Variants in ZSWIM6 observed in about 807,000 individuals in gnomAD.
ZSWIM6 encodes the protein zinc finger SWIM domain-containing protein 6.
Under a neutral mutation model 113.2 loss-of-function variants are expected in ZSWIM6, and 9 were observed. The observed-to-expected ratio is 0.08, with a 90% confidence interval of 0.05 to 0.14. ZSWIM6 has a LOEUF of 0.14. ZSWIM6 is among the 10% of genes least tolerant of loss of function. The probability of loss-of-function intolerance (pLI) is 1.00; values close to 1 mark genes in which losing one functional copy is unlikely to be tolerated. For missense variants in ZSWIM6, 1,162 were observed against 1,552.2 expected, an observed-to-expected ratio of 0.75 and a Z score of 4.22; for synonymous variants, 611 against 606.5, an observed-to-expected ratio of 1.01 and a Z score of -0.11.
intron 1 of ZSWIM6, among the ~76,000 whole-genome samples, chr5:61,463,784 G>A (rs760796719): frequency 1.3e-5 from 2 of 152,130 alleles, no homozygotes; most frequent in African/African-American, 2.4e-5. Flanking sequence ...TTAGTTATTT[G>A]TGACTTTTAC....
At chr5:61,521,567 CT>C in intron 5 of ZSWIM6, 125 bp downstream of exon 5, 6 of 665,906 alleles carry the variant, frequency 9.0e-6, no homozygotes, top group Non-Finnish European at 1.3e-5. Context: ...AACTCCAGTA[CT>C]TAATATGTGT....
chr5:61,525,447 C>G (rs781103987), intron 5 of ZSWIM6, among the ~76,000 whole-genome samples: 37 of 152,196 alleles, frequency 2.4e-4, no homozygotes, highest in Non-Finnish European at 4.6e-4. Flanking sequence ...CACAGCACCT[C>G]AGAAGTGGGG....
At chr5:61,400,042 T>G (rs1453049060) in intron 1 of ZSWIM6, among the ~76,000 whole-genome samples, 1 of 152,206 alleles carries the variant, frequency 6.6e-6, no homozygotes, top group Admixed American at 6.5e-5. Flanking sequence ...GGACGTGATC[T>G]TTGAAGCAGT....
chr5:61,332,791 TGCCGCCGCCGCCGCC>T lies in ZSWIM6; in HGVS notation c.537_551del (p.Ala180_Ala184del), dbSNP rs1262946696. 1.3e-4 allele frequency: 100 copies of T among 766,770 alleles called. No homozygotes were observed. Among genetic ancestry groups the T allele is most frequent in the East Asian group, 1.7e-4 (1 of 5,720 alleles). 47.5% of individuals were successfully genotyped at this position (766,770 alleles called of 1,614,324 possible). ...CCGCAACCTCGGCCGCCGCCGCCGC[TGCCGCCGCCGCCGCC>T]GCCGCCGCCGCCGCCGCGGGGGCCG... On this transcript the variant is annotated inframe_deletion, in exon 1 of 14. Coordinates refer to ENST00000252744, the MANE Select transcript of ZSWIM6 (RefSeq NM_020928.2).
intron 1 of ZSWIM6, among the ~76,000 whole-genome samples, chr5:61,348,620 G>C (rs565025933): frequency 6.6e-6 from 1 of 152,202 alleles, no homozygotes; most frequent in East Asian, 1.9e-4. Context: ...ATGAGTTGCT[G>C]TTTTCCTCTT....
chr5:61,543,585 G>T lies in ZSWIM6; in HGVS notation c.2916G>T (p.Gln972His), dbSNP rs1402175424. 6 of 1,551,634 alleles carry T rather than the reference G, an allele frequency of 3.9e-6. No individual in the cohort carries two copies. The East Asian group carries it at 7.3e-5, about 19-fold the overall frequency. The change falls in exon 14 of 14, where the codon CAG (glutamine) becomes CAT (histidine). Residue 972 changes from glutamine (Q) to histidine (H), a missense_variant. Physicochemically the swap from Gln to His is conservative, Grantham distance 24. Transcript: ENST00000252744. The surrounding 1 kb of genome is among the most constrained non-coding windows in gnomAD (Gnocchi z 4.3). ...TIVRLHLDCH[Q>H]QEKLASSART... ...TCCGCCTCCACCTGGACTGCCACCA[G>T]CAGGAAAAGCTGGCCAGCAGCGCCC...
At chr5:61,424,466 G>T (rs1374858034) in intron 1 of ZSWIM6, among the ~76,000 whole-genome samples, 1 of 152,174 alleles carries the variant, frequency 6.6e-6, no homozygotes, top group Admixed American at 6.5e-5. Flanking sequence ...GTCTCGCCTA[G>T]GGAGAGCAGA....
chr5:61,377,269 C>T (rs1253469912), intron 1 of ZSWIM6, among the ~76,000 whole-genome samples: 1 of 151,802 alleles, frequency 6.6e-6, no homozygotes, highest in Non-Finnish European at 1.5e-5. Context: ...ATACCTCCAC[C>T]AGAATGAAAT....
intron 1 of ZSWIM6, among the ~76,000 whole-genome samples, chr5:61,379,884 G>A (rs1270334538): frequency 1.3e-5 from 2 of 152,106 alleles, no homozygotes; most frequent in Admixed American, 1.3e-4. Flanking sequence ...CATTCAAAAG[G>A]AACTGAAAGT....
chr5:61,429,577 G>T (rs1484338630), intron 1 of ZSWIM6, among the ~76,000 whole-genome samples: 3 of 152,174 alleles, frequency 2.0e-5, no homozygotes, highest in Admixed American at 6.5e-5. Flanking sequence ...TGCAATATGA[G>T]TGGATGTAAA....
chr5:61,415,912 T>A (rs562902466), intron 1 of ZSWIM6, among the ~76,000 whole-genome samples: 1 of 152,310 alleles, frequency 6.6e-6, no homozygotes, highest in Admixed American at 6.5e-5. Flanking sequence ...CATGAAACAT[T>A]TACCAATGAA....
Position 61,443,951 on chromosome 5 carries a change from TTTA to T in ZSWIM6, c.677-28719_677-28717del, listed in dbSNP as rs540155713. Among the ~76,000 whole-genome samples, 354 of 152,142 alleles carry T rather than the reference TTTA, an allele frequency of 2.3e-3. 1 individual carries two copies. The highest frequency in any genetic ancestry group is 8.0e-3 in the African/African-American group (333 of 41,488). The stretch of plus-strand genomic sequence containing the variant: ...TATAAGCTAAGACTTTTTAAAAAAT[TTTA>T]TTATTATTATACTTTAAGTTTTAGG... On this transcript the variant is annotated intron_variant, in intron 1 of 13. Coordinates refer to ENST00000252744, the MANE Select transcript of ZSWIM6 (RefSeq NM_020928.2).
chr5:61,475,772 G>A (rs1747696411), intron 2 of ZSWIM6, among the ~76,000 whole-genome samples: 1 of 152,110 alleles, frequency 6.6e-6, no homozygotes, highest in South Asian at 2.1e-4. Flanking sequence ...TATTTTAATT[G>A]TTAATGACTT....
intron 1 of ZSWIM6, among the ~76,000 whole-genome samples, chr5:61,360,796 G>A (rs1745020226): frequency 6.6e-6 from 1 of 152,010 alleles, no homozygotes; most frequent in South Asian, 2.1e-4. Flanking sequence ...ATCTTTTCCT[G>A]GCTTTTGATA....
chr5:61,423,427 A>AAC (rs1561231491), intron 1 of ZSWIM6, among the ~76,000 whole-genome samples: 1 of 152,010 alleles, frequency 6.6e-6, no homozygotes, highest in East Asian at 1.9e-4. Flanking sequence ...AACACAAAAA[A>AAC]AAAACAAAAC....
chr5:61,340,261 CTG>C (rs1013202724), intron 1 of ZSWIM6, among the ~76,000 whole-genome samples: 4 of 152,126 alleles, frequency 2.6e-5, no homozygotes, highest in Non-Finnish European at 5.9e-5. Context: ...TGATAGTAAA[CTG>C]TTGCTTGAGT....
intron 1 of ZSWIM6, among the ~76,000 whole-genome samples, chr5:61,416,900 C>T (rs1182479031): frequency 4.6e-5 from 7 of 152,104 alleles, no homozygotes; most frequent in South Asian, 4.1e-4. Flanking sequence ...TTCGGGAGGC[C>T]GAGGCAAGGT....
intron 1 of ZSWIM6, among the ~76,000 whole-genome samples, chr5:61,449,775 C>G (rs1467751789): frequency 6.6e-6 from 1 of 152,066 alleles, no homozygotes; most frequent in African/African-American, 2.4e-5. Context: ...TGCTCTTTTC[C>G]CCTCTCCTTG....
At chr5:61,437,506 T>C (rs1376191280) in intron 1 of ZSWIM6, among the ~76,000 whole-genome samples, 1 of 152,020 alleles carries the variant, frequency 6.6e-6, no homozygotes, top group African/African-American at 2.4e-5. Context: ...GCAGATTGCT[T>C]GAGCCCAGGA....
Sources: gnomAD v4.1 joint callset for allele counts (sites outside exome capture counted in the v4.1 genomes callset) on GRCh38, gnomAD v4.1.1 for gene constraint, Gnocchi (gnomAD v3.1) non-coding constraint, MANE v1.5 for transcripts, NCBI Gene and HGNC (gene_info 2026-07-23, HGNC 2026-07-21) for gene names.